The following RREB1 variants were observed in gnomAD, a reference collection of about 807,000 sequenced individuals.
The protein encoded by RREB1 is ras-responsive element-binding protein 1.
A neutral mutation model predicts 117.8 loss-of-function variants in RREB1; 27 were observed. The ratio of observed to expected loss-of-function variants is 0.23; its 90% confidence interval spans 0.17 to 0.32. RREB1 has a LOEUF of 0.32. RREB1 is among the 10% of genes least tolerant of loss of function. The pLI is 1.00. For synonymous variants in RREB1, 1,298 were observed against 1,026.7 expected (o/e 1.26, Z -5.05); for missense variants, 2,577 against 2,378.2 (o/e 1.08, Z -1.74).
At chr6:7,196,420 T>G (rs567701474) in intron 6 of RREB1, among the ~76,000 whole-genome samples, 1 of 152,158 alleles carries the variant, frequency 6.6e-6, no homozygotes, top group African/African-American at 2.4e-5. Flanking sequence ...CTACTCAGTC[T>G]TTTTGTAGAG....
At chr6:7,171,713 A>G (rs1194938736) in intron 1 of RREB1, among the ~76,000 whole-genome samples, 1 of 152,114 alleles carries the variant, frequency 6.6e-6, no homozygotes, top group African/African-American at 2.4e-5. Context: ...TGATGGCAAC[A>G]TTAGAGGTGA....
intron 6 of RREB1, among the ~76,000 whole-genome samples, chr6:7,201,284 T>C (rs1765962355): frequency 6.6e-6 from 1 of 152,152 alleles, no homozygotes; most frequent in Non-Finnish European, 1.5e-5. Flanking sequence ...CAGCATTAGA[T>C]CACAAAATGA....
chr6:7,244,947 C>A (rs190555646), intron 11 of RREB1, among the ~76,000 whole-genome samples: 138 of 152,308 alleles, frequency 9.1e-4, no homozygotes, highest in African/African-American at 3.2e-3. Flanking sequence ...CACCTGATCA[C>A]GTCAAGTGAG....
chr6:7,240,719 A>C lies in RREB1; in HGVS notation c.3973+117A>C, dbSNP rs1419629568. 3 of 864,508 alleles carry C rather than the reference A, an allele frequency of 3.5e-6. No individual in the cohort carries two copies. In the Admixed American group the frequency reaches 8.9e-5, roughly 26 times the overall value. The allele number at this position is 864,508 out of a possible 1,614,324, so 53.6% of individuals were successfully genotyped here. ...GGCTGCTTGTTCACTTCTCTGTAGGATTCAGAGCCCACAGCCTGTTAATAG... is the reference window on the plus strand; with the variant it reads ...GGCTGCTTGTTCACTTCTCTGTAGGCTTCAGAGCCCACAGCCTGTTAATAG... On this transcript the variant is annotated intron_variant, in intron 11 of 12. Coordinates refer to ENST00000379938, the MANE Select transcript of RREB1 (RefSeq NM_001003699.4).
At chr6:7,180,438 C>T (rs753722983) in intron 2 of RREB1, among the ~76,000 whole-genome samples, 11 of 152,148 alleles carry the variant, frequency 7.2e-5, no homozygotes, top group Non-Finnish European at 1.3e-4. Context: ...CTGTTGTGGA[C>T]TCGTAGAATT....
At chr6:7,122,030 A>C (rs1761702580) in intron 1 of RREB1, among the ~76,000 whole-genome samples, 1 of 152,120 alleles carries the variant, frequency 6.6e-6, no homozygotes, top group African/African-American at 2.4e-5. Context: ...CTTCTGTGTG[A>C]GTTGGGTCAC....
chr6:7,161,032 T>C (rs1763636410), intron 1 of RREB1, among the ~76,000 whole-genome samples: 1 of 152,184 alleles, frequency 6.6e-6, no homozygotes, highest in South Asian at 2.1e-4. Flanking sequence ...AGTTTCGCCA[T>C]GTTGCCCAGG....
At chr6:7,235,548 G>A (rs928487321) in intron 10 of RREB1, among the ~76,000 whole-genome samples, 14 of 152,118 alleles carry the variant, frequency 9.2e-5, no homozygotes, top group African/African-American at 2.7e-4. Flanking sequence ...GGCTGTTCTC[G>A]AACTCCTCAG....
chr6:7,153,059 GGT>G lies in RREB1; in HGVS notation c.-284-23584_-284-23583del, dbSNP rs745580286. 6.1e-5 allele frequency among the ~76,000 whole-genome samples: 9 copies of G among 147,534 alleles called. No homozygotes were observed. In the East Asian group the frequency reaches 9.8e-4, roughly 16 times the overall value. On this transcript the variant is annotated intron_variant, in intron 1 of 12. Coordinates refer to ENST00000379938, the MANE Select transcript of RREB1 (RefSeq NM_001003699.4). Reference sequence around the variant, plus strand: ...GGTGTTCTGGATTGTAATGTGTTTTGGTGTGTGTGTGTGACAGTGAAGGAGGT... The same window carrying G: ...GGTGTTCTGGATTGTAATGTGTTTTGGTGTGTGTGTGACAGTGAAGGAGGT...
At chr6:7,188,852 A>G (rs1181880183) in intron 5 of RREB1, among the ~76,000 whole-genome samples, 1 of 152,116 alleles carries the variant, frequency 6.6e-6, no homozygotes, top group African/African-American at 2.4e-5. Context: ...GTAGGAGTTA[A>G]TATATGTGGT....
chr6:7,126,121 C>T (rs1001366239), intron 1 of RREB1, among the ~76,000 whole-genome samples: 2 of 152,114 alleles, frequency 1.3e-5, no homozygotes, highest in Non-Finnish European at 2.9e-5. Context: ...CCTGCCTCAG[C>T]CTCCTGAGTA....
At chr6:7,136,234 CT>C (rs1435737366) in intron 1 of RREB1, among the ~76,000 whole-genome samples, 24 of 152,262 alleles carry the variant, frequency 1.6e-4, no homozygotes, top group African/African-American at 5.5e-4. Flanking sequence ...TCATCTGCAC[CT>C]TCTCTCTTGC....
chr6:7,175,438 G>T (rs529396492), intron 1 of RREB1, among the ~76,000 whole-genome samples: 1 of 152,318 alleles, frequency 6.6e-6, no homozygotes, highest in East Asian at 1.9e-4. Context: ...GTCCGTCCCT[G>T]TGGGTTAGTC....
intron 2 of RREB1, among the ~76,000 whole-genome samples, chr6:7,177,127 G>T (rs1206882054): frequency 6.7e-6 from 1 of 149,152 alleles, no homozygotes; most frequent in African/African-American, 2.5e-5. Flanking sequence ...GCTGAGGCAC[G>T]AGAATCGCTT....
At chr6:7,177,049 T>G (rs1358974431) in intron 2 of RREB1, among the ~76,000 whole-genome samples, 1 of 151,608 alleles carries the variant, frequency 6.6e-6, no homozygotes, top group Non-Finnish European at 1.5e-5. Flanking sequence ...AAACCCTATC[T>G]CTACTAAAAA....
intron 8 of RREB1, among the ~76,000 whole-genome samples, chr6:7,223,279 A>AG (rs1554125969): frequency 1.3e-5 from 2 of 148,754 alleles, no homozygotes; most frequent in African/African-American, 4.9e-5. Flanking sequence ...AAAAAAAAAA[A>AG]GGCCGGGCAC....
chr6:7,124,277 T>C lies in RREB1; in HGVS notation c.-285+16217T>C, dbSNP rs114835322. On this transcript the variant is annotated intron_variant, in intron 1 of 12. Coordinates refer to ENST00000379938, the MANE Select transcript of RREB1 (RefSeq NM_001003699.4). ...GTGTGGTCATGTGTTCCTTTTGTGG[T>C]GTGCTCAAGAAAAGGGGGGGAGTAT... Among the ~76,000 whole-genome samples the C allele has an allele frequency of 4.4e-3, 670 of 152,248 alleles. 5 individuals are homozygous for C. Among genetic ancestry groups the C allele is most frequent in the African/African-American group, 0.015 (616 of 41,538 alleles).
intron 1 of RREB1, among the ~76,000 whole-genome samples, chr6:7,115,827 C>A (rs149398026): frequency 2.0e-5 from 3 of 152,296 alleles, no homozygotes; most frequent in Non-Finnish European, 4.4e-5. Context: ...AAAGTCCTCT[C>A]CCTTCCTTCT....
chr6:7,151,593 A>T (rs1015167973), intron 1 of RREB1, among the ~76,000 whole-genome samples: 1 of 152,210 alleles, frequency 6.6e-6, no homozygotes, highest in Admixed American at 6.5e-5. Flanking sequence ...CAGGCACATG[A>T]CACTTGAATG....
Sources: gnomAD v4.1 joint callset for allele counts (sites outside exome capture counted in the v4.1 genomes callset) on GRCh38, gnomAD v4.1.1 for gene constraint, MANE v1.5 for transcripts, NCBI Gene and HGNC (gene_info 2026-07-23, HGNC 2026-07-21) for gene names.